Variants in UBE2F observed in about 807,000 individuals in gnomAD.
The protein encoded by UBE2F is NEDD8-conjugating enzyme UBE2F.
In UBE2F, 5 loss-of-function variants were observed where a neutral mutation model predicts 29.6. The ratio of observed to expected loss-of-function variants is 0.17; its 90% confidence interval spans 0.09 to 0.36. The LOEUF is 0.36. UBE2F is among the 10% of genes least tolerant of loss of function. UBE2F has a pLI of 1.00. For missense variants in UBE2F, 141 were observed against 228.5 expected (o/e 0.62, Z 2.47); for synonymous variants, 66 against 81.8 (o/e 0.81, Z 1.04).
intron 4 of UBE2F, among the ~76,000 whole-genome samples, chr2:238,013,212 G>A (rs1189269830): frequency 6.6e-6 from 1 of 152,182 alleles, no homozygotes; most frequent in Non-Finnish European, 1.5e-5. Context: ...CGAGGCTGCA[G>A]TGAGCTGTGC....
chr2:237,994,784 T>C lies in UBE2F; in HGVS notation c.189T>C (p.His63=), dbSNP rs373858878. Residue 63 remains histidine (H), a synonymous_variant, in exon 4 of 10, where the codon CAT becomes CAC. Coordinates refer to ENST00000272930, the MANE Select transcript of UBE2F (RefSeq NM_080678.3). ...ATTTTCCTGATCCAAACAAGCTTCA[T>C]TGTTTTCAGCTAACAGTAACCCCAG... ...KVHFPDPNKL[H]CFQLTVTPDE... 1 of 1,614,152 alleles carries C rather than the reference T, an allele frequency of 6.2e-7. No homozygotes were observed. Among genetic ancestry groups the C allele is most frequent in the Non-Finnish European group, 8.5e-7 (1 of 1,179,986 alleles).
chr2:237,999,870 G>A (rs1373702261), intron 4 of UBE2F, among the ~76,000 whole-genome samples: 1 of 146,896 alleles, frequency 6.8e-6, no homozygotes, highest in Non-Finnish European at 1.5e-5. Context: ...TGTCGCCTAG[G>A]CTGGAGTGCA....
chr2:238,042,185 A>C lies in UBE2F; in HGVS notation c.*847A>C, dbSNP rs2064846694. The C allele has an allele frequency of 6.6e-6, 1 of 152,258 alleles. No homozygotes were observed. The highest frequency in any genetic ancestry group is 2.4e-5 in the African/African-American group (1 of 41,472). 9.4% of individuals were successfully genotyped at this position (152,258 alleles called of 1,614,324 possible). A position where few individuals can be genotyped will look rare whatever the true frequency, so the allele number is the denominator to read the frequency against. On this transcript the variant is annotated 3_prime_UTR_variant, in exon 10 of 10. Coordinates refer to ENST00000272930, the MANE Select transcript of UBE2F (RefSeq NM_080678.3). The stretch of plus-strand genomic sequence containing the variant: ...ATTTGGATGATCAAAACAAAAAGGC[A>C]GGGAGCCCATTCTAACATGCTGCCC...
intron 3 of UBE2F, among the ~76,000 whole-genome samples, chr2:237,991,609 C>CTTTCTTTCTTTTTTTTTTTTTTTTTTT (rs57180067): frequency 3.8e-5 from 2 of 53,054 alleles, no homozygotes; most frequent in Non-Finnish European, 7.0e-5. Flanking sequence ...TTCTTTCTTT[C>CTTTCTTTCTTTTTTTTTTTTTTTTTTT]TTTTTTTTTT....
At chr2:237,981,090 A>G (rs2063368332) in intron 2 of UBE2F, among the ~76,000 whole-genome samples, 1 of 152,234 alleles carries the variant, frequency 6.6e-6, no homozygotes, top group African/African-American at 2.4e-5. Flanking sequence ...CCTCCCAGAA[A>G]TGCCGGGTCA....
intron 2 of UBE2F, among the ~76,000 whole-genome samples, chr2:237,985,066 T>C (rs1304871254): frequency 1.3e-5 from 2 of 151,586 alleles, no homozygotes; most frequent in Non-Finnish European, 2.9e-5. Context: ...ACTCCTGGCC[T>C]GAAGCAATCC....
In UBE2F at chr2:238,014,129, C is replaced by T. The variant is rs1336903647; in HGVS notation, c.215-2437C>T. 3.3e-5 allele frequency among the ~76,000 whole-genome samples: 5 copies of T among 152,162 alleles called. No individual in the cohort carries two copies. The South Asian group carries it at 6.2e-4, about 19-fold the overall frequency. ...ATCTGAACTCTTAAGCTGGGGACAT[C>T]GTGAAGGAAACCTTGTAAATAAGAG... is the stretch of plus-strand genomic sequence containing the variant. On this transcript the variant is annotated intron_variant, in intron 4 of 9. Transcript: ENST00000272930.
At chr2:237,968,985 C>T in intron 1 of UBE2F, 1 of 331,876 alleles carries the variant, frequency 3.0e-6, no homozygotes, top group Non-Finnish European at 4.3e-6. Context: ...AATTTTACAG[C>T]TATGGCAACA....
chr2:237,976,831 AGATT>A (rs1183810363), intron 2 of UBE2F, among the ~76,000 whole-genome samples: 1 of 152,202 alleles, frequency 6.6e-6, no homozygotes, highest in East Asian at 1.9e-4. Context: ...AAGCCTTGCC[AGATT>A]GATCCTTCAT....
chr2:238,016,849 T>G (rs968590484), intron 5 of UBE2F, among the ~76,000 whole-genome samples: 3 of 152,210 alleles, frequency 2.0e-5, no homozygotes, highest in African/African-American at 4.8e-5. Context: ...TTATGAGTAC[T>G]ATGTGCCAGG....
intron 2 of UBE2F, among the ~76,000 whole-genome samples, chr2:237,978,433 T>C (rs1279008260): frequency 6.6e-6 from 1 of 152,162 alleles, no homozygotes; most frequent in African/African-American, 2.4e-5. Flanking sequence ...AGGCCCCTTC[T>C]TTTTCTTGGA....
chr2:238,029,470 T>C (rs989076551), intron 6 of UBE2F, among the ~76,000 whole-genome samples: 2 of 151,790 alleles, frequency 1.3e-5, no homozygotes, highest in African/African-American at 4.8e-5. Context: ...GGTGCATGCC[T>C]TGTAGTCCCA....
At position 238,040,183 on chromosome 2, in the gene UBE2F, C is replaced by A. The variant is rs771677999; in HGVS notation, c.508-1105C>A. On this transcript the variant is annotated intron_variant, in intron 9 of 9. Transcript: ENST00000272930. The surrounding 1 kb of genome is among the most constrained non-coding windows in gnomAD (Gnocchi z 4.4). Reference sequence around the variant, plus strand: ...GGAACTTGCCCGCCCTGGAAAGGGTCGCTGTGCTAACTAAAAGTGTGGCAG... The same window carrying A: ...GGAACTTGCCCGCCCTGGAAAGGGTAGCTGTGCTAACTAAAAGTGTGGCAG... Among the ~76,000 whole-genome samples the A allele has an allele frequency of 4.6e-5, 7 of 152,228 alleles. No individual in the cohort carries two copies. The highest frequency in any genetic ancestry group is 8.8e-5 in the Non-Finnish European group (6 of 68,044).
chr2:238,007,636 G>T (rs1411116592), intron 4 of UBE2F, among the ~76,000 whole-genome samples: 1 of 151,792 alleles, frequency 6.6e-6, no homozygotes, highest in African/African-American at 2.4e-5. Flanking sequence ...GATCATAATG[G>T]TTTTTCTGTT....
At chr2:238,017,445 C>T (rs960481222) in intron 5 of UBE2F, among the ~76,000 whole-genome samples, 1 of 152,072 alleles carries the variant, frequency 6.6e-6, no homozygotes. Context: ...GCCAGGTCAA[C>T]TCGAGTGAAG....
intron 5 of UBE2F, among the ~76,000 whole-genome samples, chr2:238,023,596 CA>C (rs1296669285): frequency 1.3e-5 from 2 of 152,032 alleles, no homozygotes; most frequent in African/African-American, 4.8e-5. Context: ...AATTTGATTA[CA>C]AAAATAAACT....
At chr2:237,996,298 C>A (rs773147745) in intron 4 of UBE2F, among the ~76,000 whole-genome samples, 5 of 152,072 alleles carry the variant, frequency 3.3e-5, no homozygotes, top group Non-Finnish European at 7.4e-5. Flanking sequence ...CTTTCATCTG[C>A]CTTTCTAGGG....
intron 5 of UBE2F, among the ~76,000 whole-genome samples, chr2:238,023,919 C>T (rs894323739): frequency 6.6e-6 from 1 of 152,140 alleles, no homozygotes; most frequent in African/African-American, 2.4e-5. Flanking sequence ...GGAAACATTT[C>T]ACCCAGGATG....
At chr2:237,980,042 T>C (rs1021087721) in intron 2 of UBE2F, among the ~76,000 whole-genome samples, 1 of 152,170 alleles carries the variant, frequency 6.6e-6, no homozygotes, top group African/African-American at 2.4e-5. Context: ...AAAAGGTGGA[T>C]TTGAGGATTT....
Sources: gnomAD v4.1 joint callset for allele counts (sites outside exome capture counted in the v4.1 genomes callset) on GRCh38, gnomAD v4.1.1 for gene constraint, Gnocchi (gnomAD v3.1) non-coding constraint, MANE v1.5 for transcripts, NCBI Gene and HGNC (gene_info 2026-07-23, HGNC 2026-07-21) for gene names.